The following SHC4 variants were observed in gnomAD, a reference collection of about 807,000 sequenced individuals.
The protein encoded by SHC4 is SHC-transforming protein 4.
A neutral mutation model predicts 69.4 loss-of-function variants in SHC4; 41 were observed. That is an observed-to-expected ratio of 0.59 (90% CI 0.46 to 0.77). The LOEUF (loss-of-function observed/expected upper bound fraction) is 0.77. Ranked by LOEUF, SHC4 falls within the 30% of genes least tolerant of loss-of-function variation. The pLI is 0.00. For synonymous variants in SHC4, 318 were observed against 299.3 expected (o/e 1.06, Z -0.64); for missense variants, 777 against 783.8 (o/e 0.99, Z 0.10).
chr15:48,907,603 C>T (rs534923565), intron 2 of SHC4, among the ~76,000 whole-genome samples: 1 of 151,818 alleles, frequency 6.6e-6, no homozygotes, highest in Admixed American at 6.6e-5. Flanking sequence ...TTGCATCATT[C>T]TCATGCCTTT....
At chr15:48,836,891 C>G (rs1182674046) in intron 10 of SHC4, among the ~76,000 whole-genome samples, 4 of 152,244 alleles carry the variant, frequency 2.6e-5, no homozygotes, top group African/African-American at 7.2e-5. Flanking sequence ...GAAACACTCT[C>G]TTCTACAATC....
chr15:48,898,841 G>A (rs543699461), intron 2 of SHC4, among the ~76,000 whole-genome samples: 29 of 152,230 alleles, frequency 1.9e-4, no homozygotes, highest in Admixed American at 4.6e-4. Flanking sequence ...TTAAAGAAAT[G>A]ACAATAAGAA....
At chr15:48,877,630 A>C in intron 4 of SHC4, 1 of 910,890 alleles carries the variant, frequency 1.1e-6, no homozygotes. Flanking sequence ...GTATTTCTTC[A>C]CTATAACTAA....
At chr15:48,942,343 C>T (rs1901190510) in intron 1 of SHC4, among the ~76,000 whole-genome samples, 1 of 152,166 alleles carries the variant, frequency 6.6e-6, no homozygotes, top group South Asian at 2.1e-4. Flanking sequence ...TCACAAACAT[C>T]AGGTTCCCAT....
chr15:48,951,067 C>A (rs1282268041), intron 1 of SHC4, among the ~76,000 whole-genome samples: 2 of 152,090 alleles, frequency 1.3e-5, no homozygotes, highest in African/African-American at 4.8e-5. Flanking sequence ...CTAAATCCTG[C>A]TCTACCCTCT....
chr15:48,866,653 G>A (rs1338817729), intron 6 of SHC4, among the ~76,000 whole-genome samples: 1 of 152,172 alleles, frequency 6.6e-6, no homozygotes, highest in East Asian at 1.9e-4. Context: ...CTGTCCTATA[G>A]ATGCCTTTTA....
chr15:48,914,052 G>A (rs1567068439), intron 2 of SHC4, among the ~76,000 whole-genome samples: 2 of 152,182 alleles, frequency 1.3e-5, no homozygotes, highest in African/African-American at 4.8e-5. Context: ...GTAGAGACAG[G>A]GTTTCACCAT....
chr15:48,926,064 G>A (rs1900848386), intron 1 of SHC4, among the ~76,000 whole-genome samples: 1 of 152,188 alleles, frequency 6.6e-6, no homozygotes, highest in Admixed American at 6.5e-5. Flanking sequence ...TTTGGGAGCT[G>A]TTGACTTAAG....
chr15:48,927,662 C>A (rs1403000886), intron 1 of SHC4, among the ~76,000 whole-genome samples: 2 of 152,162 alleles, frequency 1.3e-5, no homozygotes, highest in African/African-American at 4.8e-5. Flanking sequence ...TCCCCTTACA[C>A]ACTTTGCTGC....
At chr15:48,941,914 G>C (rs529664025) in intron 1 of SHC4, among the ~76,000 whole-genome samples, 1 of 152,172 alleles carries the variant, frequency 6.6e-6, no homozygotes, top group Non-Finnish European at 1.5e-5. Context: ...CCACTCTTCT[G>C]AGTCTCCAAT....
At chr15:48,844,408 C>T (rs1445439790) in intron 9 of SHC4, among the ~76,000 whole-genome samples, 1 of 152,208 alleles carries the variant, frequency 6.6e-6, no homozygotes, top group African/African-American at 2.4e-5. Flanking sequence ...CTTCCTCTCT[C>T]CTCCCCAGCC....
chr15:48,913,924 C>T (rs181488998), intron 2 of SHC4, among the ~76,000 whole-genome samples: 82 of 152,312 alleles, frequency 5.4e-4, no homozygotes, highest in East Asian at 3.3e-3. Context: ...TTCCCACTTC[C>T]GCATCTGGGG....
chr15:48,941,745 A>C (rs1252093566), intron 1 of SHC4, among the ~76,000 whole-genome samples: 2 of 152,140 alleles, frequency 1.3e-5, no homozygotes, highest in Non-Finnish European at 2.9e-5. Flanking sequence ...CCTTTCTGGG[A>C]ATCTTCTTTT....
intron 1 of SHC4, among the ~76,000 whole-genome samples, chr15:48,937,575 C>A (rs181493903): frequency 1.4e-5 from 2 of 143,940 alleles, no homozygotes; most frequent in Admixed American, 7.2e-5. Context: ...TACTCTATCA[C>A]ACAGACACAT....
At chr15:48,956,116 C>T (rs1901449919) in intron 1 of SHC4, among the ~76,000 whole-genome samples, 2 of 152,140 alleles carry the variant, frequency 1.3e-5, no homozygotes, top group Admixed American at 1.3e-4. Flanking sequence ...AATCTACTTC[C>T]ACGTCTACTC....
rs1184846654 is a variant in SHC4, at chr15:48,843,465, C to A, written c.1427G>T (p.Gly476Val). 6.2e-7 allele frequency: 1 copy of A among 1,614,096 alleles called. No individual in the cohort carries two copies. The highest frequency in any genetic ancestry group is 8.5e-7 in the Non-Finnish European group (1 of 1,179,988). Residue 476 changes from glycine to valine, a missense_variant, in exon 10 of 12, where the codon GGC becomes GTC. Physicochemically the swap from Gly to Val is moderately radical, Grantham distance 109. Coordinates refer to ENST00000332408, the MANE Select transcript of SHC4 (RefSeq NM_203349.4). ...GGCTGACCTTTGATTTCCAGCAGAG[C>A]CAGGTGTACTTTGAAGAGCCTGTGT... ...INTQALQSTP[G>V]SAGNQRSAQP...
chr15:48,924,358 T>C (rs549735211), intron 2 of SHC4, among the ~76,000 whole-genome samples: 1 of 152,306 alleles, frequency 6.6e-6, no homozygotes, highest in African/African-American at 2.4e-5. Flanking sequence ...GTAACAGGGA[T>C]TCTGATTTCT....
chr15:48,930,464 C>A (rs911746299), intron 1 of SHC4, among the ~76,000 whole-genome samples: 1 of 152,106 alleles, frequency 6.6e-6, no homozygotes, highest in South Asian at 2.1e-4. Flanking sequence ...AAGGCACAGG[C>A]CCTGCACTTG....
chr15:48,956,008 G>A (rs923631832), intron 1 of SHC4, among the ~76,000 whole-genome samples: 7 of 152,160 alleles, frequency 4.6e-5, no homozygotes, highest in Non-Finnish European at 8.8e-5. Flanking sequence ...GTGTCCAGGG[G>A]CATGAAAGGA....
Sources: allele counts gnomAD v4.1 joint callset (sites outside exome capture counted in the v4.1 genomes callset), GRCh38; gene constraint gnomAD v4.1.1; transcripts MANE v1.5; gene names NCBI Gene and HGNC (gene_info 2026-07-23, HGNC 2026-07-21).